Variants in GIGYF1 observed in about 807,000 individuals in gnomAD.
GIGYF1 encodes the protein GRB10 interacting GYF protein 1, also known as GRB10-interacting GYF protein 1.
Under a neutral mutation model 147.1 loss-of-function variants are expected in GIGYF1, and 84 were observed. The ratio of observed to expected loss-of-function variants is 0.57; its 90% confidence interval spans 0.48 to 0.68. GIGYF1 has a LOEUF of 0.68. GIGYF1 is among the 30% of genes least tolerant of loss of function. The pLI is 0.00. For synonymous variants in GIGYF1, 752 were observed against 589.5 expected (o/e 1.28, Z -3.99); for missense variants, 1,485 against 1,393.7 (o/e 1.07, Z -1.04).
rs1805526970 is a variant in GIGYF1, at chr7:100,687,871, G to C, written c.178C>G (p.Leu60Val). ...YVKENKVPEELQDKEFAAVLQ... is the reference protein window; with the variant it reads ...YVKENKVPEEVQDKEFAAVLQ... ...ACCGCGGCGAACTCCTTGTCCTGCA[G>C]CTCTTCCGGGACCTGGCAGTGGGTT... The change falls in exon 6 of 27, where the codon CTG (leucine) becomes GTG (valine). Residue 60 changes from leucine to valine, a missense_variant. By Grantham distance (32) the Leu-to-Val change is conservative. Coordinates refer to ENST00000678049, the MANE Select transcript of GIGYF1 (RefSeq NM_001375765.1). 1 of 1,613,366 alleles carries C rather than the reference G, an allele frequency of 6.2e-7. No homozygotes were observed. Among genetic ancestry groups the C allele is most frequent in the South Asian group, 1.1e-5 (1 of 91,084 alleles).
rs768018767 is a variant in GIGYF1 at position 100,685,401 on chromosome 7, A to G, written c.1135T>C (p.Trp379Arg). Residue 379 changes from tryptophan to arginine, a missense_variant, in exon 13 of 27, where the codon TGG (tryptophan) becomes CGG (arginine). Coordinates refer to ENST00000678049, the MANE Select transcript of GIGYF1 (RefSeq NM_001375765.1). ...TCGTCCCCATCCCCGTTTGTCCCCCAGAGTGGGCCCAGGGTGGGCAGTGGG... is the reference window on the plus strand; with the variant it reads ...TCGTCCCCATCCCCGTTTGTCCCCCGGAGTGGGCCCAGGGTGGGCAGTGGG... ...PSPLPTLGPL[W>R]GTNGDGDETA... 1 of 1,590,594 alleles carries G rather than the reference A, an allele frequency of 6.3e-7. No individual in the cohort carries two copies. The highest frequency in any genetic ancestry group is 1.1e-5 in the South Asian group (1 of 87,358).
At position 100,683,028 on chromosome 7, in the gene GIGYF1, G is replaced by A. The variant is rs1228826154; in HGVS notation, c.2396C>T (p.Ala799Val). Reference protein sequence around the residue: ...PPPREPARAQAPNHRVQLGGL... With the variant: ...PPPREPARAQVPNHRVQLGGL... ...CCTGCTCACCACTCGGTGGTTGGGG[G>A]CCTGGGCCCGAGCTGGCTCCCGAGG... The change falls in exon 22 of 27, where the codon GCC becomes GTC. Residue 799 changes from alanine to valine, a missense_variant. Physicochemically the swap from Ala to Val is moderately conservative, Grantham distance 64. Transcript: ENST00000678049. 5.2e-6 allele frequency: 8 copies of A among 1,540,348 alleles called. No homozygotes were observed. Among genetic ancestry groups the A allele is most frequent in the Non-Finnish European group, 7.0e-6 (8 of 1,148,430 alleles).
At position 100,686,400 on chromosome 7, in the gene GIGYF1, T is replaced by C. The variant is rs1014374998; in HGVS notation, c.728A>G (p.His243Arg). The change falls in exon 11 of 27, where the codon CAT becomes CGT. Residue 243 changes from histidine (H) to arginine (R), a missense_variant. His to Arg is a conservative substitution (Grantham distance 29). Coordinates refer to ENST00000678049, the MANE Select transcript of GIGYF1 (RefSeq NM_001375765.1). Reference sequence around the variant, plus strand: ...TTCAAACTTGCGCCGCCGTTCCCCATGTTCCCGCCAGCCAGCAGAGCGGGG... The same window carrying C: ...TTCAAACTTGCGCCGCCGTTCCCCACGTTCCCGCCAGCCAGCAGAGCGGGG... ...GGPRSAGWRE[H>R]GERRRKFEFD... The C allele has an allele frequency of 6.3e-7, 1 of 1,575,434 alleles. No homozygotes were observed. Among genetic ancestry groups the C allele is most frequent in the African/African-American group, 1.4e-5 (1 of 73,154 alleles).
chr7:100,686,318 T>TC lies in GIGYF1; in HGVS notation c.809dup (p.Gly271ArgfsTer12). ...GGCACCGCCGCAGGTGAGAGCTGCC[T>TC]CCCCCTCCCCGCCCCTCCTCTTCAC... On this transcript the variant is annotated frameshift_variant, in exon 11 of 27. Coordinates refer to ENST00000678049, the MANE Select transcript of GIGYF1 (RefSeq NM_001375765.1). LOFTEE classifies it high-confidence loss of function. 1 of 1,612,762 alleles carries TC rather than the reference T, an allele frequency of 6.2e-7. No individual in the cohort carries two copies. Among genetic ancestry groups the TC allele is most frequent in the Non-Finnish European group, 8.5e-7 (1 of 1,179,534 alleles).
chr7:100,682,048 A>G lies in GIGYF1; in HGVS notation c.2925+24T>C. 3.7e-6 allele frequency: 6 copies of G among 1,611,884 alleles called. No homozygotes were observed. In the East Asian group the frequency reaches 1.1e-4, roughly 30 times the overall value. On this transcript the variant is annotated intron_variant, in intron 25 of 26. Transcript: ENST00000678049. Reference sequence around the variant, plus strand: ...AGGAGGCACCAGGCAAGCCCACCCCAGCTGCTGGTGCCGGCTGCCTCACCT... The same window carrying G: ...AGGAGGCACCAGGCAAGCCCACCCCGGCTGCTGGTGCCGGCTGCCTCACCT...
At chr7:100,686,488 C>A in intron 10 of GIGYF1, 55 bp from the exon 11 acceptor site, 2 of 1,535,176 alleles carry the variant, frequency 1.3e-6, no homozygotes, top group Admixed American at 1.9e-5. Context: ...AAGCCAGCGG[C>A]CCCCTCTGCT....
At chr7:100,682,535 G>T in intron 23 of GIGYF1, 53 bp from the exon 24 acceptor site, 1 of 1,596,470 alleles carries the variant, frequency 6.3e-7, no homozygotes, top group South Asian at 1.1e-5. Flanking sequence ...GGGTTGGGGG[G>T]GTCTGCCACC....
In GIGYF1 at chr7:100,681,714, G is replaced by A; in HGVS notation, c.*5C>T. On this transcript the variant is annotated 3_prime_UTR_variant, in exon 27 of 27. Transcript: ENST00000678049. ...TACAGCCCAGGGGCTGGGGGTCCGGGCTGGTCAGTAGTCATCCACGCTCTC... is the reference window on the plus strand; with the variant it reads ...TACAGCCCAGGGGCTGGGGGTCCGGACTGGTCAGTAGTCATCCACGCTCTC... The A allele has an allele frequency of 6.4e-7, 1 of 1,555,746 alleles. No homozygotes were observed. The highest frequency in any genetic ancestry group is 8.7e-7 in the Non-Finnish European group (1 of 1,151,028).
intron 14 of GIGYF1, 21 bp from the exon 15 acceptor site, chr7:100,684,915 G>A (rs11974395): frequency 0.23 from 367,727 of 1,602,680 alleles, 43,679 homozygotes; most frequent in Non-Finnish European, 0.25. Context: ...AGAAAAAGAA[G>A]AAAGGCTCAG....
chr7:100,684,667 C>T, intron 15 of GIGYF1, 51 bp from the exon 16 acceptor site: 1 of 1,612,322 alleles, frequency 6.2e-7, no homozygotes, highest in Non-Finnish European at 8.5e-7. Context: ...CAGGGTATGC[C>T]AGAGACACCC....
In GIGYF1 at chr7:100,680,542, C is replaced by G. The variant is rs59268053; in HGVS notation, c.*1177G>C. 3.9e-4 allele frequency: 60 copies of G among 152,638 alleles called. No homozygotes were observed. Among genetic ancestry groups the G allele is most frequent in the African/African-American group, 1.3e-3 (55 of 41,434 alleles). The allele number at this position is 152,638 out of a possible 1,614,324, so 9.5% of individuals were successfully genotyped here. ...GGTAAAAAGCGCATCATATCAGACC[C>G]GGAAGGCCACCTGCTCCTCTCCCAT... On this transcript the variant is annotated 3_prime_UTR_variant, in exon 27 of 27. Coordinates refer to ENST00000678049, the MANE Select transcript of GIGYF1 (RefSeq NM_001375765.1).
chr7:100,681,670 C>T lies in GIGYF1; in HGVS notation c.*49G>A, dbSNP rs779439784. The T allele has an allele frequency of 5.3e-6, 8 of 1,505,060 alleles. No individual in the cohort carries two copies. Among genetic ancestry groups the T allele is most frequent in the African/African-American group, 1.4e-5 (1 of 71,508 alleles). 93.2% of individuals were successfully genotyped at this position (1,505,060 alleles called of 1,614,324 possible). ...GCAGGCTGGGACCCTCGGTCCACGC[C>T]GCTGTGGCTGCCCTGGCCTACAGCC... On this transcript the variant is annotated 3_prime_UTR_variant, in exon 27 of 27. Coordinates refer to ENST00000678049, the MANE Select transcript of GIGYF1 (RefSeq NM_001375765.1).
rs1245259765 is a variant in GIGYF1, at chr7:100,685,057, G to A, written c.1282C>T (p.Leu428=). Residue 428 remains leucine (L), a synonymous_variant, in exon 14 of 27, where the codon CTG becomes TTG. Transcript: ENST00000678049. ...TTCTCAGGCCCCCACACCTGCTGCA[G>A]GTGCTTCAAGCCTTCATCATCCTCC... ...DLEDDEGLKH[L]QQEAEKLVAS... 3.8e-6 allele frequency: 6 copies of A among 1,568,600 alleles called. No homozygotes were observed. The highest frequency in any genetic ancestry group is 2.7e-5 in the African/African-American group (2 of 74,092).
At chr7:100,684,368 C>T in intron 16 of GIGYF1, 31 bp from the exon 17 acceptor site, 2 of 1,596,142 alleles carry the variant, frequency 1.3e-6, no homozygotes, top group Non-Finnish European at 1.7e-6. Flanking sequence ...CCAGTGCCCC[C>T]AGCAGGGAGG....
At chr7:100,687,739 G>A in intron 6 of GIGYF1, 49 bp downstream of exon 6, 2 of 1,553,596 alleles carry the variant, frequency 1.3e-6, no homozygotes, top group Non-Finnish European at 1.8e-6. Context: ...CCCAACCCAT[G>A]GCCTCCCCTC....
intron 24 of GIGYF1, 39 bp from the exon 25 acceptor site, chr7:100,682,274 G>T: frequency 1.2e-6 from 2 of 1,608,230 alleles, no homozygotes; most frequent in Non-Finnish European, 1.7e-6. Flanking sequence ...CCCCTGGCCG[G>T]GTCTGGAGAC....
rs1260612870 is a variant in GIGYF1, at chr7:100,681,874, G to A, written c.3045C>T (p.Pro1015=). Residue 1015 remains proline, a synonymous_variant, in exon 26 of 27, where the codon CCC becomes CCT. Transcript: ENST00000678049. ...CCCAGCCCAGCTCACCCAGGATGCT[G>A]GGGTCTGAGTGCAGCATCAGTGCCC... is the stretch of plus-strand genomic sequence containing the variant. ...KRRALMLHSD[P]SILGYSLHGS... 2 of 1,612,636 alleles carry A rather than the reference G, an allele frequency of 1.2e-6. No individual in the cohort carries two copies. Among genetic ancestry groups the A allele is most frequent in the South Asian group, 1.1e-5 (1 of 91,062 alleles).
Position 100,687,842 on chromosome 7 carries a change from C to G in GIGYF1, c.207G>C (p.Leu69=). ...CCAGGGGCTGCAGTGGCTCGTCCTG[C>G]AGCACCGCGGCGAACTCCTTGTCCT... ...ELQDKEFAAV[L]QDEPLQPLAL... is the part of the protein sequence containing the mutation. The change falls in exon 6 of 27, where the codon CTG becomes CTC. Residue 69 remains leucine (L), a synonymous_variant. Transcript: ENST00000678049. 6.2e-7 allele frequency: 1 copy of G among 1,612,928 alleles called. No homozygotes were observed. Among genetic ancestry groups the G allele is most frequent in the Non-Finnish European group, 8.5e-7 (1 of 1,180,000 alleles).
intron 20 of GIGYF1, 38 bp from the exon 21 acceptor site, chr7:100,683,482 G>C (rs558817694): frequency 1.9e-6 from 3 of 1,613,878 alleles, no homozygotes; most frequent in Non-Finnish European, 2.5e-6. Context: ...GAGCTGCAGG[G>C]GACAGCCTGG....
Sources: allele counts gnomAD v4.1 joint callset, GRCh38; gene constraint gnomAD v4.1.1; transcripts MANE v1.5; gene names NCBI Gene and HGNC (gene_info 2026-07-23, HGNC 2026-07-21).